AP4S1: variants seen among roughly 807,000 people sequenced by gnomAD.
AP4S1 encodes adaptor related protein complex 4 subunit sigma 1, also known as AP-4 complex subunit sigma-1.
AP4S1 carries 23 observed loss-of-function variants against 19.8 expected under a neutral mutation model. The observed-to-expected ratio is 1.16, with a 90% CI of 0.84 to 1.65. The LOEUF is 1.65. Ranked by LOEUF, AP4S1 falls within the 40% of genes most tolerant of loss-of-function variation. The pLI is 0.00. For missense variants in AP4S1, 166 were observed against 172.8 expected (o/e 0.96, Z 0.22); for synonymous variants, 46 against 54.1 (o/e 0.85, Z 0.66).
chr14:31,058,701 G>C (rs1256001594), intron 1 of AP4S1, among the ~76,000 whole-genome samples: 1 of 151,412 alleles, frequency 6.6e-6, no homozygotes, highest in Non-Finnish European at 1.5e-5. Context: ...CTAAGTAGCT[G>C]GGACTATAGG....
intron 1 of AP4S1, among the ~76,000 whole-genome samples, chr14:31,043,719 A>G (rs1057155291): frequency 1.3e-5 from 2 of 152,246 alleles, no homozygotes; most frequent in East Asian, 3.8e-4. Flanking sequence ...ATGTACAAAC[A>G]TAATATAACA....
chr14:31,043,708 T>A (rs1379062301), intron 1 of AP4S1, among the ~76,000 whole-genome samples: 1 of 152,236 alleles, frequency 6.6e-6, no homozygotes, highest in East Asian at 1.9e-4. Flanking sequence ...ATGTTTTTGT[T>A]ATGTACAAAC....
intron 5 of AP4S1, chr14:31,083,583 C>A (rs761604567): frequency 6.9e-6 from 3 of 435,264 alleles, no homozygotes; most frequent in Non-Finnish European, 1.3e-5. Flanking sequence ...TGGCTCACTA[C>A]ACCCTGGATC....
intron 1 of AP4S1, among the ~76,000 whole-genome samples, chr14:31,044,721 T>C (rs1265563379): frequency 6.6e-6 from 1 of 151,984 alleles, no homozygotes; most frequent in African/African-American, 2.4e-5. Flanking sequence ...CTTGAACTCC[T>C]GGCCTCAAGT....
chr14:31,043,089 T>C (rs1885198153), intron 1 of AP4S1, among the ~76,000 whole-genome samples: 2 of 151,976 alleles, frequency 1.3e-5, no homozygotes, highest in African/African-American at 4.8e-5. Context: ...GGCATGGTGG[T>C]GCACGCCTGT....
At chr14:31,056,602 G>A (rs542847144) in intron 1 of AP4S1, among the ~76,000 whole-genome samples, 3 of 152,202 alleles carry the variant, frequency 2.0e-5, no homozygotes, top group South Asian at 2.1e-4. Context: ...CAGGTTATCC[G>A]CCCGCCTTGG....
rs562641322 is a variant in AP4S1, at chr14:31,065,550, A to G, written c.-71-576A>G. On this transcript the variant is annotated intron_variant, in intron 1 of 5. Transcript: ENST00000542754. ...CACATCGTTGTTACCCAGCAAAATG[A>G]ATGAGTAAATTGAATGAATAGAAAC... Among the ~76,000 whole-genome samples, 30 of 152,382 alleles carry G rather than the reference A, an allele frequency of 2.0e-4. 1 individual carries two copies. Among genetic ancestry groups the G allele is most frequent in the South Asian group, 6.2e-4 (3 of 4,832 alleles).
At chr14:31,053,331 G>A (rs922207154) in intron 1 of AP4S1, among the ~76,000 whole-genome samples, 2 of 152,136 alleles carry the variant, frequency 1.3e-5, no homozygotes, top group African/African-American at 2.4e-5. Flanking sequence ...CCAGTTGACA[G>A]TGCAAGGGCT....
chr14:31,031,687 TA>T (rs1205180466), intron 1 of AP4S1, among the ~76,000 whole-genome samples: 1 of 152,200 alleles, frequency 6.6e-6, no homozygotes, highest in Non-Finnish European at 1.5e-5. Flanking sequence ...CCTCTGTAGA[TA>T]ATGAGCTCAC....
Position 31,066,316 on chromosome 14 carries a change from C to T in AP4S1, c.120C>T (p.Leu40=). ...LLETEVIKSC[L]SRSNEQCSFI... Reference sequence around the variant, plus strand: ...AAACAGAAGTCATAAAGAGCTGTCTCTCTCGATCCAATGAACAAGTAAGTC... The same window carrying T: ...AAACAGAAGTCATAAAGAGCTGTCTTTCTCGATCCAATGAACAAGTAAGTC... The change falls in exon 2 of 6, where the codon CTC becomes CTT. Residue 40 remains leucine (L), a synonymous_variant. Coordinates refer to ENST00000542754, the MANE Select transcript of AP4S1 (RefSeq NM_001128126.3). 6.2e-7 allele frequency: 1 copy of T among 1,614,004 alleles called. No individual in the cohort carries two copies. Among genetic ancestry groups the T allele is most frequent in the Non-Finnish European group, 8.5e-7 (1 of 1,179,948 alleles).
chr14:31,061,105 T>C (rs1449047357), intron 1 of AP4S1, among the ~76,000 whole-genome samples: 1 of 152,162 alleles, frequency 6.6e-6, no homozygotes, highest in Non-Finnish European at 1.5e-5. Context: ...GGTCTGGAAC[T>C]CCTGACCTCA....
rs565758317 is a variant in AP4S1, at chr14:31,047,684, C to T, written c.-71-18442C>T. 1.1e-4 allele frequency among the ~76,000 whole-genome samples: 16 copies of T among 152,174 alleles called. No homozygotes were observed. The East Asian group carries it at 1.9e-3, about 18-fold the overall frequency. ...CGCTGGGACTACAGGCGTGAGCCAC[C>T]GTGCCCAGCCTTTGAGACACAATCT... On this transcript the variant is annotated intron_variant, in intron 1 of 5. Coordinates refer to ENST00000542754, the MANE Select transcript of AP4S1 (RefSeq NM_001128126.3).
At chr14:31,027,992 A>G (rs1453786862) in intron 1 of AP4S1, among the ~76,000 whole-genome samples, 2 of 152,182 alleles carry the variant, frequency 1.3e-5, no homozygotes, top group Non-Finnish European at 2.9e-5. Flanking sequence ...CCAACCAATC[A>G]GGAAGTAATT....
In AP4S1 at chr14:31,040,822, G is replaced by T. The variant is rs187991622; in HGVS notation, c.-72+15035G>T. 2.4e-3 allele frequency among the ~76,000 whole-genome samples: 370 copies of T among 152,060 alleles called. 3 individuals are homozygous for T. Among genetic ancestry groups the T allele is most frequent in the African/African-American group, 8.5e-3 (354 of 41,502 alleles). On this transcript the variant is annotated intron_variant, in intron 1 of 5. Transcript: ENST00000542754. ...CAGATATACTACTAGAAAAATGATA[G>T]GCCAGTTTTCTTTGGGAATCAGGAT...
chr14:31,066,968 C>T (rs1027724347), intron 2 of AP4S1, among the ~76,000 whole-genome samples: 1 of 152,198 alleles, frequency 6.6e-6, no homozygotes, highest in African/African-American at 2.4e-5. Context: ...GGTGCAATGG[C>T]GCACGCCTGT....
In AP4S1 at chr14:31,093,122, G is replaced by C; in HGVS notation, c.*87G>C. On this transcript the variant is annotated 3_prime_UTR_variant, in exon 6 of 6. Coordinates refer to ENST00000542754, the MANE Select transcript of AP4S1 (RefSeq NM_001128126.3). ...CAACATGTTAACCCAGAAGAATCTGGAAGACCACAATTACAAAATGGGGTA... is the reference window on the plus strand; with the variant it reads ...CAACATGTTAACCCAGAAGAATCTGCAAGACCACAATTACAAAATGGGGTA... 1 of 1,359,272 alleles carries C rather than the reference G, an allele frequency of 7.4e-7. No homozygotes were observed. Among genetic ancestry groups the C allele is most frequent in the Non-Finnish European group, 9.8e-7 (1 of 1,019,824 alleles). The allele number at this position is 1,359,272 out of a possible 1,614,324, so 84.2% of individuals were successfully genotyped here.
At position 31,069,880 on chromosome 14, in the gene AP4S1, A is replaced by G; in HGVS notation, c.176A>G (p.Tyr59Cys). 4 of 1,613,702 alleles carry G rather than the reference A, an allele frequency of 2.5e-6. No homozygotes were observed. The highest frequency in any genetic ancestry group is 3.4e-6 in the Non-Finnish European group (4 of 1,179,592). ...FIEYKDFKLI[Y>C]RQYAALFIVV... The stretch of plus-strand genomic sequence containing the variant: ...GAATATAAGGATTTTAAGCTGATAT[A>G]TCGGCAGTATGCAGCTCTCTTCATT... The change falls in exon 3 of 6, where the codon TAT becomes TGT. Residue 59 changes from tyrosine to cysteine, a missense_variant. By Grantham distance (194) the Tyr-to-Cys change is radical (BLOSUM62 -2). Transcript: ENST00000542754.
At chr14:31,032,945 TATAACAA>T (rs574990449) in intron 1 of AP4S1, 2 of 152,360 alleles carry the variant, frequency 1.3e-5, no homozygotes, top group Admixed American at 1.3e-4. Context: ...CTGCAAAGGC[TATAACAA>T]ATATTCTTAT....
intron 1 of AP4S1, among the ~76,000 whole-genome samples, chr14:31,051,041 G>A (rs915489943): frequency 1.3e-5 from 2 of 151,978 alleles, no homozygotes; most frequent in African/African-American, 4.8e-5. Context: ...GATCGCTTGA[G>A]CCCAGGAGTT....
Sources: gnomAD v4.1 joint callset for allele counts (sites outside exome capture counted in the v4.1 genomes callset) on GRCh38, gnomAD v4.1.1 for gene constraint, MANE v1.5 for transcripts, NCBI Gene and HGNC (gene_info 2026-07-23, HGNC 2026-07-21) for gene names.